Variants in RIN3 observed in about 807,000 individuals in gnomAD.
The protein encoded by RIN3 is Ras and Rab interactor 3, also known as RAB5 interacting protein 3.
Under a neutral mutation model 76.3 loss-of-function variants are expected in RIN3, and 54 were observed. The observed-to-expected ratio is 0.71, with a 90% CI of 0.57 to 0.89. The LOEUF (loss-of-function observed/expected upper bound fraction) is 0.89, where lower values mean the gene tolerates loss of function less well. Among genes scored for constraint, RIN3 ranks in the 40% least tolerant of loss-of-function variants. The probability of loss-of-function intolerance (pLI) is 0.00; values close to 1 mark genes in which losing one functional copy is unlikely to be tolerated. For synonymous variants in RIN3, 576 were observed against 564.0 expected (o/e 1.02, Z -0.30); for missense variants, 1,256 against 1,322.1 (o/e 0.95, Z 0.78).
At chr14:92,632,647 G>A (rs1387797636) in intron 4 of RIN3, among the ~76,000 whole-genome samples, 2 of 152,194 alleles carry the variant, frequency 1.3e-5, no homozygotes, top group African/African-American at 4.8e-5. Context: ...AGCTGCTTCT[G>A]CCCAGGAGAC....
intron 4 of RIN3, among the ~76,000 whole-genome samples, chr14:92,640,254 G>A (rs1432349364): frequency 9.2e-5 from 12 of 130,170 alleles, no homozygotes; most frequent in African/African-American, 3.0e-4. Context: ...GTGTTCGTCG[G>A]GGGCTGCCTG....
intron 3 of RIN3, chr14:92,586,468 A>G (rs1884781540): frequency 6.6e-6 from 1 of 152,198 alleles, no homozygotes; most frequent in Non-Finnish European, 1.5e-5. Flanking sequence ...TCAGCCTCCA[A>G]CACTGGAGTT....
chr14:92,611,265 G>T (rs1885721613), intron 3 of RIN3, among the ~76,000 whole-genome samples: 1 of 151,206 alleles, frequency 6.6e-6, no homozygotes, highest in African/African-American at 2.4e-5. Flanking sequence ...CCTTCGCTGG[G>T]TCTGTGTCCC....
intron 1 of RIN3, among the ~76,000 whole-genome samples, chr14:92,542,760 G>T (rs1434161913): frequency 6.6e-6 from 1 of 152,206 alleles, no homozygotes; most frequent in Non-Finnish European, 1.5e-5. Flanking sequence ...TGATATAGAA[G>T]TACTGATAAA....
In RIN3 at chr14:92,514,151, G is replaced by C. The variant is rs531010964; in HGVS notation, c.44+175G>C. On this transcript the variant is annotated intron_variant, in intron 1 of 9. Transcript: ENST00000216487. This position sits in a 1 kb window ranked among gnomAD's most constrained non-coding sequence, Gnocchi z 7.2. ...AGAACCTGGTTCTGCGGGGCAGGGG[G>C]CGGCCCTGGTGACTCCGCTGGACCC... Among the ~76,000 whole-genome samples the C allele has an allele frequency of 1.3e-5, 2 of 152,226 alleles. No individual in the cohort carries two copies. Among genetic ancestry groups the C allele is most frequent in the African/African-American group, 4.8e-5 (2 of 41,462 alleles).
chr14:92,600,839 C>T (rs80003078), intron 3 of RIN3, among the ~76,000 whole-genome samples: 18,304 of 152,188 alleles, frequency 0.12, 1,175 homozygotes, highest in African/African-American at 0.14. Flanking sequence ...GCAGTATCCC[C>T]GGGCTCTGTC....
At chr14:92,640,944 T>G in intron 4 of RIN3, among the ~76,000 whole-genome samples, 1 of 152,218 alleles carries the variant, frequency 6.6e-6, no homozygotes, top group East Asian at 1.9e-4. Flanking sequence ...AAAGAATGCC[T>G]TTAGAGGAGC....
At chr14:92,617,271 G>A (rs1886005427) in intron 4 of RIN3, among the ~76,000 whole-genome samples, 1 of 151,934 alleles carries the variant, frequency 6.6e-6, no homozygotes, top group Non-Finnish European at 1.5e-5. Context: ...TTGCACCCCA[G>A]CATGGGCAAC....
In RIN3 at chr14:92,688,066, C is replaced by T. The variant is rs376695836; in HGVS notation, c.2772C>T (p.Phe924=). 16 of 1,604,406 alleles carry T rather than the reference C, an allele frequency of 1.0e-5. No individual in the cohort carries two copies. The Admixed American group carries it at 1.0e-4, about 10-fold the overall frequency. ...AVERPQAHRL[F]VLVDGRCFQL... ...AGCGGCCGCAGGCGCACCGGCTGTT[C>T]GTGCTGGTGGACGGGCGCTGCTTCC... The change falls in exon 10 of 10, where the codon TTC becomes TTT. Residue 924 remains phenylalanine (F), a synonymous_variant. Transcript: ENST00000216487.
intron 2 of RIN3, among the ~76,000 whole-genome samples, chr14:92,570,375 C>T (rs976173002): frequency 6.6e-6 from 1 of 152,164 alleles, no homozygotes; most frequent in Non-Finnish European, 1.5e-5. Flanking sequence ...TAACTAATGA[C>T]ATTCAGGCCA....
chr14:92,647,138 G>A (rs763608003), intron 5 of RIN3, among the ~76,000 whole-genome samples: 1 of 152,176 alleles, frequency 6.6e-6, no homozygotes, highest in Non-Finnish European at 1.5e-5. Flanking sequence ...GTTGCACCAG[G>A]CCTGCTTTTG....
Position 92,652,913 on chromosome 14 carries a change from G to A in RIN3, c.1864G>A (p.Asp622Asn), listed in dbSNP as rs1887523741. 1.2e-6 allele frequency: 2 copies of A among 1,614,040 alleles called. No homozygotes were observed. Among genetic ancestry groups the A allele is most frequent in the Non-Finnish European group, 1.7e-6 (2 of 1,180,040 alleles). ...KGSYFGSLVQDYKVYSLEMMA... is the reference protein window; with the variant it reads ...KGSYFGSLVQNYKVYSLEMMA... ...CTCGTACTTTGGCAGCCTGGTGCAG[G>A]ACTACAAGGTGTACAGCCTGGAGAT... The change falls in exon 6 of 10, where the codon GAC (aspartate) becomes AAC (asparagine). Residue 622 changes from aspartate to asparagine, a missense_variant. Coordinates refer to ENST00000216487, the MANE Select transcript of RIN3 (RefSeq NM_024832.5). The surrounding 1 kb of genome is among the most constrained non-coding windows in gnomAD (Gnocchi z 6.4).
At chr14:92,659,011 T>C in intron 6 of RIN3, 150 bp from the exon 7 acceptor site, 1 of 733,328 alleles carries the variant, frequency 1.4e-6, no homozygotes, top group South Asian at 1.7e-5. Flanking sequence ...TGCTCTCTCA[T>C]GTGTCAGAAC....
chr14:92,641,382 C>A, intron 5 of RIN3, 53 bp downstream of exon 5: 2 of 1,396,320 alleles, frequency 1.4e-6, no homozygotes, highest in Non-Finnish European at 2.0e-6. Context: ...GGAACTGGGG[C>A]CCTAGGACTG....
At chr14:92,612,916 C>G (rs1414356451) in intron 3 of RIN3, among the ~76,000 whole-genome samples, 1 of 152,194 alleles carries the variant, frequency 6.6e-6, no homozygotes, top group African/African-American at 2.4e-5. Flanking sequence ...GATACCAAAG[C>G]CTTGTAAGGA....
chr14:92,688,062 T>A lies in RIN3; in HGVS notation c.2768T>A (p.Leu923Gln), dbSNP rs372055185. 2 of 1,603,970 alleles carry A rather than the reference T, an allele frequency of 1.2e-6. No individual in the cohort carries two copies. The highest frequency in any genetic ancestry group is 1.7e-4 in the Middle Eastern group (1 of 6,048). The change falls in exon 10 of 10, where the codon CTG becomes CAG. Residue 923 changes from leucine (L) to glutamine (Q), a missense_variant. Physicochemically the swap from Leu to Gln is moderately radical, Grantham distance 113. This residue lies in a region of RIN3 where 218 missense variants were observed against 174.5 expected (regional missense o/e 1.25). Coordinates refer to ENST00000216487, the MANE Select transcript of RIN3 (RefSeq NM_024832.5). ...GTGGAGCGGCCGCAGGCGCACCGGC[T>A]GTTCGTGCTGGTGGACGGGCGCTGC... Reference protein sequence around the residue: ...FAVERPQAHRLFVLVDGRCFQ... With the variant: ...FAVERPQAHRQFVLVDGRCFQ...
chr14:92,561,121 A>T (rs12879655), intron 2 of RIN3, among the ~76,000 whole-genome samples: 2 of 112,680 alleles, frequency 1.8e-5, no homozygotes, highest in East Asian at 2.4e-4. Flanking sequence ...ATATATATTT[A>T]TATATATTTA....
chr14:92,574,154 G>A (rs1898145629), intron 2 of RIN3, among the ~76,000 whole-genome samples: 1 of 152,236 alleles, frequency 6.6e-6, no homozygotes, highest in Non-Finnish European at 1.5e-5. Context: ...TTTAAAAGGT[G>A]TAAGAACAAG....
intron 1 of RIN3, among the ~76,000 whole-genome samples, chr14:92,531,028 G>T (rs761602254): frequency 6.6e-6 from 1 of 152,168 alleles, no homozygotes; most frequent in African/African-American, 2.4e-5. Context: ...GGGTGTGCCT[G>T]TCATGCCTCA....
Sources: allele counts gnomAD v4.1 joint callset (sites outside exome capture counted in the v4.1 genomes callset), GRCh38; gene constraint gnomAD v4.1.1; regional missense constraint gnomAD v4.1.1; non-coding constraint Gnocchi (gnomAD v3.1); transcripts MANE v1.5; gene names NCBI Gene and HGNC (gene_info 2026-07-23, HGNC 2026-07-21).